MAP7D2: variants seen among roughly 807,000 people sequenced by gnomAD.
MAP7D2 encodes the protein MAP7 domain-containing protein 2.
In MAP7D2, 33 loss-of-function variants were observed where a neutral mutation model predicts 63.5. The ratio of observed to expected loss-of-function variants is 0.52; its 90% CI spans 0.39 to 0.70. The LOEUF (loss-of-function observed/expected upper bound fraction) is 0.70, where lower values mean the gene tolerates loss of function less well. Ranked by LOEUF, MAP7D2 falls within the 30% of genes least tolerant of loss-of-function variation. The pLI is 0.00. For synonymous variants in MAP7D2, 224 were observed against 223.7 expected, an observed-to-expected ratio of 1.00 and a Z score of -0.01; for missense variants, 626 against 604.0, an observed-to-expected ratio of 1.04 and a Z score of -0.38.
intron 1 of MAP7D2, among the ~76,000 whole-genome samples, chrX:20,111,746 T>C (rs1404087006): frequency 8.9e-6 from 1 of 111,756 alleles, no homozygotes; most frequent in Non-Finnish European, 1.9e-5. Context: ...CTATATGGCA[T>C]ATGAATTTTA....
chrX:20,105,703 T>C (rs913751547), intron 1 of MAP7D2, among the ~76,000 whole-genome samples: 1 of 111,214 alleles, frequency 9.0e-6, no homozygotes, highest in African/African-American at 3.3e-5. Flanking sequence ...ACAGAGCCCA[T>C]TGAATCCCGA....
At chrX:20,082,329 C>T (rs1200415159) in intron 1 of MAP7D2, among the ~76,000 whole-genome samples, 1 of 112,354 alleles carries the variant, frequency 8.9e-6, no homozygotes, top group Admixed American at 9.4e-5. Flanking sequence ...AGTTCAAGAC[C>T]AGCCTGGGCA....
At chrX:20,010,564 G>C (rs749996132) in intron 16 of MAP7D2, among the ~76,000 whole-genome samples, 2 of 112,243 alleles carry the variant, frequency 1.8e-5, no homozygotes, top group African/African-American at 6.5e-5. Context: ...TAAATAGCAG[G>C]GTTAGGACAA....
intron 1 of MAP7D2, among the ~76,000 whole-genome samples, chrX:20,075,446 G>T (rs1341537854): frequency 9.1e-6 from 1 of 110,280 alleles, no homozygotes; most frequent in East Asian, 2.8e-4. Flanking sequence ...GGTGGGGGAT[G>T]GGGGGAATAA....
intron 4 of MAP7D2, among the ~76,000 whole-genome samples, chrX:20,054,326 A>G (rs2065020124): frequency 8.9e-6 from 1 of 112,549 alleles, no homozygotes; most frequent in Admixed American, 9.4e-5. Flanking sequence ...ATATAGGAGT[A>G]CACATTTTCC....
At chrX:20,116,216 C>G (rs1036850791) in intron 1 of MAP7D2, among the ~76,000 whole-genome samples, 25 of 113,216 alleles carry the variant, frequency 2.2e-4, no homozygotes, top group Middle Eastern at 4.6e-3. Context: ...CCGGGGCAGA[C>G]GCCTGGCCGC....
intron 3 of MAP7D2, 148 bp downstream of exon 3, chrX:20,063,266 C>A: frequency 3.8e-6 from 2 of 525,932 alleles, no homozygotes; most frequent in Non-Finnish European, 6.1e-6. Context: ...AGTTTCATGT[C>A]ATGTTGCTGA....
chrX:20,064,944 T>C, intron 1 of MAP7D2, 139 bp from the exon 2 acceptor site: 1 of 500,832 alleles, frequency 2.0e-6, no homozygotes, highest in South Asian at 3.0e-5. Context: ...CCAAAGGAAG[T>C]CCAATCTGTC....
Position 20,063,295 on chromosome X carries a change from CCAAG to C in MAP7D2, c.372+115_372+118del, listed in dbSNP as rs1045561608. On this transcript the variant is annotated intron_variant, in intron 3 of 16. Coordinates refer to ENST00000379643, the MANE Select transcript of MAP7D2 (RefSeq NM_001168465.2). ...TTGCTGAAAGAAGGCATGGGAGCCACCAAGGAGAAGGTGCACGGCAGGTCTCTCT... is the reference window on the plus strand; with the variant it reads ...TTGCTGAAAGAAGGCATGGGAGCCACGAGAAGGTGCACGGCAGGTCTCTCT... 3.2e-4 allele frequency: 248 copies of C among 773,865 alleles called. No individual in the cohort carries two copies. In the African/African-American group the frequency reaches 4.5e-3, roughly 14 times the overall value. The allele number at this position is 773,865 out of a possible 1,213,427, so 63.8% of individuals were successfully genotyped here.
chrX:20,042,272 G>T (rs1383364137), intron 8 of MAP7D2, among the ~76,000 whole-genome samples: 2 of 111,452 alleles, frequency 1.8e-5, no homozygotes, highest in Non-Finnish European at 3.8e-5. Context: ...GCATCATCTT[G>T]GTAAATAAAA....
At chrX:20,100,432 G>A (rs1047354366) in intron 1 of MAP7D2, among the ~76,000 whole-genome samples, 11 of 111,861 alleles carry the variant, frequency 9.8e-5, no homozygotes, top group Admixed American at 1.9e-4. Context: ...CCAAGCTGTC[G>A]ATGTTCTAGC....
intron 10 of MAP7D2, among the ~76,000 whole-genome samples, chrX:20,017,965 CTTTTT>C (rs141142969): frequency 3.5e-5 from 3 of 85,694 alleles, no homozygotes; most frequent in Admixed American, 2.5e-4. Flanking sequence ...AATCCATTCT[CTTTTT>C]TTTTTTTTTT....
At chrX:20,024,473 G>A (rs2073770293) in intron 10 of MAP7D2, among the ~76,000 whole-genome samples, 1 of 112,165 alleles carries the variant, frequency 8.9e-6, no homozygotes, top group Admixed American at 9.4e-5. Context: ...ACAACCCTAT[G>A]CCTAGGGGAC....
At chrX:20,051,143 G>A (rs2064937694) in intron 5 of MAP7D2, among the ~76,000 whole-genome samples, 197 bp from the exon 6 acceptor site, 1 of 112,034 alleles carries the variant, frequency 8.9e-6, no homozygotes, top group Non-Finnish European at 1.9e-5. Flanking sequence ...TAGAGTTTGG[G>A]AGAGTGCATT....
chrX:20,101,025 A>G (rs1411247928), intron 1 of MAP7D2, among the ~76,000 whole-genome samples: 2 of 110,011 alleles, frequency 1.8e-5, no homozygotes, highest in East Asian at 5.6e-4. Context: ...CCGTCTCAAA[A>G]AAAAAAAAAA....
At chrX:20,082,996 C>A (rs2065815771) in intron 1 of MAP7D2, among the ~76,000 whole-genome samples, 1 of 111,984 alleles carries the variant, frequency 8.9e-6, no homozygotes, top group Admixed American at 9.5e-5. Flanking sequence ...TTGTTCAGGG[C>A]AGTCTGGTTG....
intron 12 of MAP7D2, among the ~76,000 whole-genome samples, chrX:20,014,523 A>G (rs189852518): frequency 0.014 from 1,601 of 110,848 alleles, 8 homozygotes; most frequent in Middle Eastern, 0.018. Flanking sequence ...AGCCGAGATC[A>G]CACCACTGCA....
intron 4 of MAP7D2, among the ~76,000 whole-genome samples, chrX:20,054,534 G>A (rs1299461630): frequency 8.1e-5 from 9 of 110,645 alleles, no homozygotes; most frequent in African/African-American, 1.3e-4. Flanking sequence ...ACCCTGGCCC[G>A]GGCCCTGGGT....
chrX:20,104,594 C>T (rs2066519678), intron 1 of MAP7D2, among the ~76,000 whole-genome samples: 1 of 112,682 alleles, frequency 8.9e-6, no homozygotes, highest in Admixed American at 9.4e-5. Context: ...AGCCACCACG[C>T]CTGGCCTAGA....
Sources: allele counts gnomAD v4.1 joint callset (sites outside exome capture counted in the v4.1 genomes callset), GRCh38; gene constraint gnomAD v4.1.1; transcripts MANE v1.5; gene names NCBI Gene and HGNC (gene_info 2026-07-23, HGNC 2026-07-21).